ADGRB3: variants seen among roughly 807,000 people sequenced by gnomAD.
The protein encoded by ADGRB3 is brain-specific angiogenesis inhibitor 3.
A neutral mutation model predicts 193.4 loss-of-function variants in ADGRB3; 37 were observed. The observed-to-expected ratio is 0.19, with a 90% CI of 0.15 to 0.25. ADGRB3 has a LOEUF of 0.25. Among genes scored for constraint, ADGRB3 ranks in the 10% least tolerant of loss-of-function variants. The probability of loss-of-function intolerance (pLI) is 1.00; values close to 1 mark genes in which losing one functional copy is unlikely to be tolerated. For synonymous variants in ADGRB3, 690 were observed against 644.2 expected, an observed-to-expected ratio of 1.07 and a Z score of -1.08; for missense variants, 1,637 against 1,852.9, an observed-to-expected ratio of 0.88 and a Z score of 2.14.
intron 3 of ADGRB3, among the ~76,000 whole-genome samples, chr6:68,691,720 A>G (rs531518126): frequency 8.9e-4 from 135 of 151,988 alleles, no homozygotes; most frequent in South Asian, 1.7e-3. Context: ...TTAATTCAGT[A>G]CCTAGCTACA....
At chr6:69,057,314 T>C (rs543979087) in intron 15 of ADGRB3, among the ~76,000 whole-genome samples, 7 of 152,256 alleles carry the variant, frequency 4.6e-5, no homozygotes, top group African/African-American at 1.7e-4. Context: ...GTGTAATCTT[T>C]AGGGTTTACT....
rs1767909171 is a variant in ADGRB3 at position 69,299,698 on chromosome 6, A to T, written c.2815-25174A>T. On this transcript the variant is annotated intron_variant, in intron 20 of 31. Coordinates refer to ENST00000370598, the MANE Select transcript of ADGRB3 (RefSeq NM_001704.3). ...TCAAAAATGAGTTTACTCTAAATAT[A>T]TGGATTTATATCTAGCTTCTCTATT... is the stretch of plus-strand genomic sequence containing the variant. Among the ~76,000 whole-genome samples, 4 of 151,940 alleles carry T rather than the reference A, an allele frequency of 2.6e-5. No homozygotes were observed. The South Asian group carries it at 8.3e-4, about 31-fold the overall frequency.
intron 17 of ADGRB3, among the ~76,000 whole-genome samples, chr6:69,100,173 T>G (rs1304568311): frequency 1.3e-5 from 2 of 152,206 alleles, no homozygotes; most frequent in Non-Finnish European, 2.9e-5. Flanking sequence ...TCTGTATGTG[T>G]TTCTTGTTTT....
intron 17 of ADGRB3, among the ~76,000 whole-genome samples, chr6:69,088,403 C>T (rs576843764): frequency 1.9e-4 from 29 of 152,164 alleles, no homozygotes; most frequent in Admixed American, 1.4e-3. Context: ...GATGGAGTCT[C>T]GCTCTGTCAC....
intron 3 of ADGRB3, among the ~76,000 whole-genome samples, chr6:68,767,082 C>A (rs1008722929): frequency 1.3e-5 from 2 of 151,864 alleles, no homozygotes; most frequent in Non-Finnish European, 2.9e-5. Context: ...TTAAAATAAG[C>A]GTTCTTTTAA....
At chr6:68,642,250 T>G (rs568242694) in intron 3 of ADGRB3, among the ~76,000 whole-genome samples, 2 of 152,160 alleles carry the variant, frequency 1.3e-5, no homozygotes, top group Admixed American at 6.5e-5. Flanking sequence ...GTCTTCACAC[T>G]TAGTAGATGT....
chr6:69,297,094 A>G (rs966372178), intron 20 of ADGRB3, among the ~76,000 whole-genome samples: 8 of 152,132 alleles, frequency 5.3e-5, no homozygotes, highest in African/African-American at 1.9e-4. Context: ...GCACAACTGC[A>G]TCGATAATGG....
Position 69,030,956 on chromosome 6 carries a change from T to TTCTTTTCTTTTCTTTTCTTTTC in ADGRB3, c.2107+12458_2107+12459insCTTTTCTTTTCTTTTCTTTTCT, listed in dbSNP as rs746281020. Among the ~76,000 whole-genome samples the TTCTTTTCTTTTCTTTTCTTTTC allele has an allele frequency of 2.5e-4, 18 of 72,376 alleles. 1 individual carries two copies. Among genetic ancestry groups the TTCTTTTCTTTTCTTTTCTTTTC allele is most frequent in the African/African-American group, 1.0e-3 (18 of 17,214 alleles). The allele number at this position is 72,376 out of a possible 152,430, so 47.5% of individuals were successfully genotyped here. ...GGTTTTAATTTTCTTTTCTTTTCTT[T>TTCTTTTCTTTTCTTTTCTTTTC]TTTTCTTTTCTTTTCTTTTCTTTTC... On this transcript the variant is annotated intron_variant, in intron 13 of 31. Transcript: ENST00000370598.
At chr6:69,182,690 A>G (rs952740543) in intron 17 of ADGRB3, among the ~76,000 whole-genome samples, 1 of 152,108 alleles carries the variant, frequency 6.6e-6, no homozygotes, top group African/African-American at 2.4e-5. Flanking sequence ...AACACCTATC[A>G]TAGAAGTAAA....
intron 12 of ADGRB3, among the ~76,000 whole-genome samples, chr6:69,014,575 T>A (rs1364277094): frequency 1.3e-5 from 2 of 152,038 alleles, no homozygotes; most frequent in Non-Finnish European, 2.9e-5. Context: ...TATGATTTTT[T>A]AAAAATCTTT....
chr6:68,691,542 T>C (rs1222632448), intron 3 of ADGRB3, among the ~76,000 whole-genome samples: 2 of 152,032 alleles, frequency 1.3e-5, no homozygotes, highest in Non-Finnish European at 2.9e-5. Flanking sequence ...AAAATTATGA[T>C]TTACTATGCA....
intron 3 of ADGRB3, among the ~76,000 whole-genome samples, chr6:68,771,849 T>C (rs1038539360): frequency 6.6e-6 from 1 of 151,866 alleles, no homozygotes; most frequent in Non-Finnish European, 1.5e-5. Flanking sequence ...ACAGAGAAAA[T>C]ATATAGAACT....
chr6:69,167,586 G>T (rs751001407), intron 17 of ADGRB3, among the ~76,000 whole-genome samples: 17 of 151,910 alleles, frequency 1.1e-4, no homozygotes, highest in Non-Finnish European at 2.1e-4. Flanking sequence ...TTTTGTTTTT[G>T]TTTTTTTCTC....
In ADGRB3 at chr6:68,780,747, C is replaced by T. The variant is rs546739442; in HGVS notation, c.757+141315C>T. On this transcript the variant is annotated intron_variant, in intron 3 of 31. Transcript: ENST00000370598. ...TTATCCAGAAGTTGTAAAAATAGTA[C>T]AGAGTTCCCTTGTATTCTTCACCCA... Among the ~76,000 whole-genome samples, 71 of 152,118 alleles carry T rather than the reference C, an allele frequency of 4.7e-4. No homozygotes were observed. In the South Asian group the frequency reaches 1.0e-2, roughly 21 times the overall value.
intron 22 of ADGRB3, 84 bp downstream of exon 22, chr6:69,327,973 G>C (rs2127311412): frequency 8.4e-7 from 1 of 1,194,368 alleles, no homozygotes; most frequent in Non-Finnish European, 1.2e-6. Context: ...ATGGCTTGCA[G>C]TTTATCATGG....
At chr6:69,115,453 G>A (rs552001653) in intron 17 of ADGRB3, among the ~76,000 whole-genome samples, 64 of 152,246 alleles carry the variant, frequency 4.2e-4, no homozygotes, top group East Asian at 1.4e-3. Flanking sequence ...CTGGGGGATC[G>A]GGGGTTAGGG....
intron 3 of ADGRB3, among the ~76,000 whole-genome samples, chr6:68,772,479 T>C (rs1354714954): frequency 6.6e-6 from 1 of 152,020 alleles, no homozygotes; most frequent in Non-Finnish European, 1.5e-5. Flanking sequence ...AGTTGCAGAT[T>C]TGGAAGCAAA....
intron 17 of ADGRB3, among the ~76,000 whole-genome samples, chr6:69,175,237 A>G (rs1318466809): frequency 1.3e-5 from 2 of 152,168 alleles, no homozygotes; most frequent in African/African-American, 4.8e-5. Context: ...TTTAAATATA[A>G]GAGCTCAAAC....
At chr6:68,840,234 A>G (rs1768125257) in intron 3 of ADGRB3, among the ~76,000 whole-genome samples, 1 of 152,110 alleles carries the variant, frequency 6.6e-6, no homozygotes, top group African/African-American at 2.4e-5. Context: ...TGGGGTGGCC[A>G]AAGATGTTGC....
Sources: allele counts gnomAD v4.1 joint callset (sites outside exome capture counted in the v4.1 genomes callset), GRCh38; gene constraint gnomAD v4.1.1; transcripts MANE v1.5; gene names NCBI Gene and HGNC (gene_info 2026-07-23, HGNC 2026-07-21).